ACBD5: variants seen among roughly 807,000 people sequenced by gnomAD.
ACBD5 encodes the protein acyl-CoA binding domain containing 5.
ACBD5 carries 40 observed loss-of-function variants against 71.8 expected under a neutral mutation model. The observed-to-expected ratio is 0.56, with a 90% CI of 0.43 to 0.72. The LOEUF is 0.72. ACBD5 is among the 30% of genes least tolerant of loss of function. ACBD5 has a pLI of 0.00. For missense variants in ACBD5, 559 were observed against 644.5 expected (o/e 0.87, Z 1.44); for synonymous variants, 229 against 218.6 (o/e 1.05, Z -0.42).
intron 4 of ACBD5, among the ~76,000 whole-genome samples, chr10:27,224,320 T>A (rs1048154400): frequency 9.2e-5 from 14 of 151,924 alleles, no homozygotes; most frequent in Non-Finnish European, 1.5e-4. Context: ...GAGGCTGCAG[T>A]GAGCCATGAT....
At chr10:27,233,202 G>A (rs551412902) in intron 3 of ACBD5, among the ~76,000 whole-genome samples, 6 of 152,176 alleles carry the variant, frequency 3.9e-5, no homozygotes, top group Non-Finnish European at 8.8e-5. Flanking sequence ...CATGGCGGGC[G>A]GATCACTTTA....
intron 4 of ACBD5, among the ~76,000 whole-genome samples, chr10:27,230,796 C>A (rs1288927591): frequency 6.0e-3 from 669 of 111,878 alleles, no homozygotes; most frequent in Middle Eastern, 8.8e-3. Flanking sequence ...GACTCCATCT[C>A]AAAAAAAAAA....
chr10:27,227,127 C>A (rs982222179), intron 4 of ACBD5, among the ~76,000 whole-genome samples: 1 of 63,142 alleles, frequency 1.6e-5, no homozygotes, highest in African/African-American at 6.5e-5. Flanking sequence ...AGATTGGCCA[C>A]CCCTGGTCTA....
At position 27,197,377 on chromosome 10, in the gene ACBD5, C is replaced by G. The variant is rs766296599; in HGVS notation, c.*53G>C. 2.0e-5 allele frequency: 32 copies of G among 1,563,866 alleles called. No homozygotes were observed. The highest frequency in any genetic ancestry group is 2.7e-5 in the Non-Finnish European group (31 of 1,135,312). ...TTCTTGTGAACACCACAATCCAGTT[C>G]ATTCTGAGGTCATCCAGTTCCAGTA... On this transcript the variant is annotated 3_prime_UTR_variant, in exon 13 of 13. Transcript: ENST00000396271.
At chr10:27,226,017 A>G (rs2062964928) in intron 4 of ACBD5, among the ~76,000 whole-genome samples, 1 of 152,214 alleles carries the variant, frequency 6.6e-6, no homozygotes, top group South Asian at 2.1e-4. Flanking sequence ...ACGAAATAAA[A>G]GGAGTATCCA....
chr10:27,213,572 A>G (rs1240882951), intron 8 of ACBD5, among the ~76,000 whole-genome samples: 2 of 152,200 alleles, frequency 1.3e-5, no homozygotes, highest in South Asian at 2.1e-4. Flanking sequence ...AGCCTGACCA[A>G]CATGGAGAAA....
chr10:27,222,189 G>A (rs995709394), intron 5 of ACBD5, among the ~76,000 whole-genome samples: 1 of 151,930 alleles, frequency 6.6e-6, no homozygotes, highest in South Asian at 2.1e-4. Flanking sequence ...CTTATAAATA[G>A]GGATGTCAAG....
chr10:27,196,734 C>A lies in ACBD5; in HGVS notation c.*696G>T. The A allele has an allele frequency of 4.4e-6, 2 of 454,280 alleles. No individual in the cohort carries two copies. 28.1% of individuals were successfully genotyped at this position (454,280 alleles called of 1,614,324 possible). A position where few individuals can be genotyped will look rare whatever the true frequency, so the allele number is the denominator to read the frequency against. ...ACAGGCTCAGAATACACTTTTAAACCTACATGAAGCTCATTCTTCACCATT... is the reference window on the plus strand; with the variant it reads ...ACAGGCTCAGAATACACTTTTAAACATACATGAAGCTCATTCTTCACCATT... On this transcript the variant is annotated 3_prime_UTR_variant, in exon 13 of 13. Coordinates refer to ENST00000396271, the MANE Select transcript of ACBD5 (RefSeq NM_145698.5).
At chr10:27,223,134 C>A in intron 5 of ACBD5, 1 of 709,030 alleles carries the variant, frequency 1.4e-6, no homozygotes, top group South Asian at 1.5e-5. Context: ...ATTGTAAGTT[C>A]TGTAAGTTTG....
At chr10:27,186,541 A>G (rs2058762592) in intron 13 of ACBD5, 2 of 1,613,780 alleles carry the variant, frequency 1.2e-6, no homozygotes, top group Middle Eastern at 1.7e-4. Context: ...CTGTAGCACA[A>G]AAATTTTCCT....
chr10:27,220,760 T>C (rs1365891074), intron 5 of ACBD5, among the ~76,000 whole-genome samples: 1 of 152,032 alleles, frequency 6.6e-6, no homozygotes, highest in African/African-American at 2.4e-5. Flanking sequence ...AATAACAAAA[T>C]TGGAGGACTC....
chr10:27,233,471 T>C lies in ACBD5; in HGVS notation c.302+1621A>G, dbSNP rs542684262. ...CTGGTGTGGCATGGTGGTTCACACC[T>C]GTAATCCCAGCCAAGGCAGGTGGAT... On this transcript the variant is annotated intron_variant, in intron 3 of 12. Coordinates refer to ENST00000396271, the MANE Select transcript of ACBD5 (RefSeq NM_145698.5). Among the ~76,000 whole-genome samples the C allele has an allele frequency of 6.7e-5, 10 of 149,204 alleles. No homozygotes were observed. In the South Asian group the frequency reaches 1.7e-3, roughly 25 times the overall value.
In ACBD5 at chr10:27,205,879, GAA is replaced by G. The variant is rs969327518; in HGVS notation, c.1405-633_1405-632del. On this transcript the variant is annotated intron_variant, in intron 10 of 12. Coordinates refer to ENST00000396271, the MANE Select transcript of ACBD5 (RefSeq NM_145698.5). ...CCAAGTGAATTATGCAAATTTTAAG[GAA>G]AAAAGTCCTTAAAATCTTTTGAACT... 3.9e-5 allele frequency among the ~76,000 whole-genome samples: 6 copies of G among 151,940 alleles called. No individual in the cohort carries two copies. In the East Asian group the frequency reaches 9.7e-4, roughly 25 times the overall value.
intron 7 of ACBD5, among the ~76,000 whole-genome samples, chr10:27,217,175 G>A (rs2061741668): frequency 6.8e-6 from 1 of 146,092 alleles, no homozygotes; most frequent in Non-Finnish European, 1.5e-5. Flanking sequence ...ATGTTTCTCG[G>A]CCGGGCGCGT....
chr10:27,218,092 T>C lies in ACBD5; in HGVS notation c.717A>G (p.Ile239Met), dbSNP rs1467895764. The C allele has an allele frequency of 6.2e-7, 1 of 1,614,026 alleles. No homozygotes were observed. The change falls in exon 7 of 13, where the codon ATA becomes ATG. Residue 239 changes from isoleucine (I) to methionine (M), a missense_variant. Transcript: ENST00000396271. Reference sequence around the variant, plus strand: ...AAGAACTGGCATGAATGTCATTCTGTATATCCTGAACAAAGCCATCTTTAT... The same window carrying C: ...AAGAACTGGCATGAATGTCATTCTGCATATCCTGAACAAAGCCATCTTTAT... The part of the protein sequence containing the change: ...GYDKDGFVQD[I>M]QNDIHASSSL...
In ACBD5 at chr10:27,226,348, C is replaced by A. The variant is rs190525584; in HGVS notation, c.376-2896G>T. 1.6e-4 allele frequency among the ~76,000 whole-genome samples: 24 copies of A among 151,930 alleles called. No homozygotes were observed. The East Asian group carries it at 4.7e-3, about 30-fold the overall frequency. On this transcript the variant is annotated intron_variant, in intron 4 of 12. Coordinates refer to ENST00000396271, the MANE Select transcript of ACBD5 (RefSeq NM_145698.5). ...CTCTGAGGAAGCAACTTTAAACATA[C>A]ACAAACCAAGAATGATCCCCAGCCA...
intron 13 of ACBD5, chr10:27,186,656 C>A: frequency 1.1e-6 from 1 of 938,680 alleles, no homozygotes; most frequent in Non-Finnish European, 1.7e-6. Context: ...GTTCAATGTG[C>A]TTTTAATGTA....
chr10:27,205,101 T>A, intron 11 of ACBD5, 97 bp downstream of exon 11: 2 of 1,233,290 alleles, frequency 1.6e-6, no homozygotes, highest in Non-Finnish European at 2.3e-6. Context: ...CACTCCAGCC[T>A]GGGCAACAGA....
rs1242732492 is a variant in ACBD5 at position 27,186,716 on chromosome 10, TTTATC to T, written c.1494-4006_1494-4002del. 6 of 626,272 alleles carry T rather than the reference TTTATC, an allele frequency of 9.6e-6. No individual in the cohort carries two copies. In the African/African-American group the frequency reaches 1.1e-4, roughly 12 times the overall value. The allele number at this position is 626,272 out of a possible 1,614,324, so 38.8% of individuals were successfully genotyped here. The stretch of plus-strand genomic sequence containing the variant: ...AGGCTGAAAGGAATATAGTCAGTAA[TTTATC>T]TTAACCTCAAAACTGTATATAAATC... On this transcript the variant is annotated intron_variant, in intron 13 of 13. Coordinates refer to the ACBD5 transcript ENST00000676511.
Sources: gnomAD v4.1 joint callset for allele counts (sites outside exome capture counted in the v4.1 genomes callset) on GRCh38, gnomAD v4.1.1 for gene constraint, MANE v1.5 for transcripts, NCBI Gene and HGNC (gene_info 2026-07-23, HGNC 2026-07-21) for gene names.